Variants in SLC26A6 observed in about 807,000 individuals in gnomAD.
SLC26A6 encodes the protein solute carrier family 26 member 6.
A neutral mutation model predicts 87.1 loss-of-function variants in SLC26A6; 67 were observed. The observed-to-expected ratio is 0.77, with a 90% CI of 0.63 to 0.94. The LOEUF is 0.94. Among genes scored for constraint, SLC26A6 ranks in the 40% least tolerant of loss-of-function variants. SLC26A6 has a pLI of 0.00. For synonymous variants in SLC26A6, 414 were observed against 405.9 expected (o/e 1.02, Z -0.24); for missense variants, 902 against 973.0 (o/e 0.93, Z 0.97).
chr3:48,630,306 C>T, intron 11 of SLC26A6, 132 bp downstream of exon 11: 1 of 1,310,112 alleles, frequency 7.6e-7, no homozygotes, highest in South Asian at 1.4e-5. Context: ...GTCTCCAAAT[C>T]TCACCTTGAA....
In SLC26A6 at chr3:48,632,162, TCAGA is replaced by T; in HGVS notation, c.585+79_585+82del. ...GACGGCAAGAGGAGGACGACGATGG[TCAGA>T]CACTCAGGGGAGTACAGACAGGACA... On this transcript the variant is annotated intron_variant, in intron 5 of 20. Transcript: ENST00000395550. 28 of 1,574,938 alleles carry T rather than the reference TCAGA, an allele frequency of 1.8e-5. No individual in the cohort carries two copies. In the South Asian group the frequency reaches 2.6e-4, roughly 15 times the overall value.
chr3:48,632,074 G>A (rs766085042), intron 5 of SLC26A6, 30 bp from the exon 6 acceptor site: 2 of 1,611,710 alleles, frequency 1.2e-6, no homozygotes, highest in East Asian at 4.5e-5. Flanking sequence ...AGTCAGGAGA[G>A]GCAGGGGTCC....
Position 48,633,360 on chromosome 3 carries a change from C to A in SLC26A6, c.213G>T (p.Leu71=), listed in dbSNP as rs1342123735. The A allele has an allele frequency of 1.9e-6, 3 of 1,613,398 alleles. No homozygotes were observed. The highest frequency in any genetic ancestry group is 2.5e-6 in the Non-Finnish European group (3 of 1,180,010). Residue 71 remains leucine (L), a synonymous_variant, in exon 3 of 21, where the codon CTG becomes CTT. Transcript: ENST00000395550. The stretch of plus-strand genomic sequence containing the variant: ...AGACCAAAACCGGGAGGTGTTGGAG[C>A]AGAAGGGCATAGGCCCGAGCACGGG... ...QCSRARAYAL[L]LQHLPVLVWL...
intron 14 of SLC26A6, 75 bp downstream of exon 14, chr3:48,629,567 T>C (rs1319608441): frequency 4.0e-6 from 6 of 1,483,436 alleles, no homozygotes; most frequent in Non-Finnish European, 4.6e-6. Flanking sequence ...TGGCCAAGTG[T>C]GGAACGAATC....
chr3:48,628,610 A>T lies in SLC26A6; in HGVS notation c.1692+12T>A. The T allele has an allele frequency of 6.2e-7, 1 of 1,613,758 alleles. No individual in the cohort carries two copies. Among genetic ancestry groups the T allele is most frequent in the Admixed American group, 1.7e-5 (1 of 60,002 alleles). ...CTGGGGCCTGACACCCATCCTGGGG[A>T]CTCCGTCTCACCCTCTGCTTCAGCG... On this transcript the variant is annotated intron_variant, in intron 15 of 20. Coordinates refer to ENST00000395550, the MANE Select transcript of SLC26A6 (RefSeq NM_022911.3). This position sits in a 1 kb window ranked among gnomAD's most constrained non-coding sequence, Gnocchi z 4.4.
chr3:48,628,788 T>C lies in SLC26A6; in HGVS notation c.1600-74A>G. 8 of 1,532,560 alleles carry C rather than the reference T, an allele frequency of 5.2e-6. No homozygotes were observed. Among genetic ancestry groups the C allele is most frequent in the Non-Finnish European group, 7.1e-6 (8 of 1,126,076 alleles). 94.9% of individuals were successfully genotyped at this position (1,532,560 alleles called of 1,614,324 possible). On this transcript the variant is annotated intron_variant, in intron 14 of 20. Coordinates refer to ENST00000395550, the MANE Select transcript of SLC26A6 (RefSeq NM_022911.3). The surrounding 1 kb of genome is among the most constrained non-coding windows in gnomAD (Gnocchi z 4.4). Reference sequence around the variant, plus strand: ...TGCATCCTGTTCTCCTGCCTTTCCTTCCCTAGTGTGCCCAGTGCCTGCCAC... The same window carrying C: ...TGCATCCTGTTCTCCTGCCTTTCCTCCCCTAGTGTGCCCAGTGCCTGCCAC...
At chr3:48,635,082 CG>C (rs1458545271) in intron 1 of SLC26A6, among the ~76,000 whole-genome samples, 4 of 152,234 alleles carry the variant, frequency 2.6e-5, no homozygotes, top group Admixed American at 1.3e-4. Context: ...GCACCCCCGC[CG>C]GCACATCTCC....
At position 48,632,193 on chromosome 3, in the gene SLC26A6, T is replaced by C; in HGVS notation, c.585+52A>G. ...ACTCAGGGGAGTACAGACAGGACAG[T>C]GGCGGGAGCAGAAGTGGTGGTGGGG... On this transcript the variant is annotated intron_variant, in intron 5 of 20. Coordinates refer to ENST00000395550, the MANE Select transcript of SLC26A6 (RefSeq NM_022911.3). 4.5e-6 allele frequency: 7 copies of C among 1,569,580 alleles called. No individual in the cohort carries two copies. The South Asian group carries it at 8.4e-5, about 19-fold the overall frequency.
At chr3:48,626,772 G>C in intron 18 of SLC26A6, 87 bp from the exon 19 acceptor site, 1 of 1,608,926 alleles carries the variant, frequency 6.2e-7, no homozygotes, top group Admixed American at 1.7e-5. Context: ...AGTTTAGAAG[G>C]GGAGCTTTGA....
intron 1 of SLC26A6, among the ~76,000 whole-genome samples, 197 bp downstream of exon 1, chr3:48,635,174 G>A (rs1436088351): frequency 6.6e-6 from 1 of 152,240 alleles, no homozygotes; most frequent in East Asian, 1.9e-4. Context: ...TTTCCGCACA[G>A]CCCAAGGGAC....
chr3:48,629,529 G>T (rs2046720282), intron 14 of SLC26A6, 113 bp downstream of exon 14: 1 of 1,213,700 alleles, frequency 8.2e-7, no homozygotes. Context: ...AAAGACCAAA[G>T]CCAAAGTATC....
rs1462364324 is a variant in SLC26A6 at position 48,628,359 on chromosome 3, T to G, written c.1800+75A>C. 4.2e-5 allele frequency: 64 copies of G among 1,531,526 alleles called. No homozygotes were observed. The highest frequency in any genetic ancestry group is 4.9e-5 in the Non-Finnish European group (56 of 1,136,422). The allele number at this position is 1,531,526 out of a possible 1,614,324, so 94.9% of individuals were successfully genotyped here. A position where few individuals can be genotyped will look rare whatever the true frequency, so the allele number is the denominator to read the frequency against. ...ATGAGGAGTGAGGACGAGGGAGGAGTCGGGGGCCAGGAGAAAGGCTGGGGC... is the reference window on the plus strand; with the variant it reads ...ATGAGGAGTGAGGACGAGGGAGGAGGCGGGGGCCAGGAGAAAGGCTGGGGC... On this transcript the variant is annotated intron_variant, in intron 16 of 20. Transcript: ENST00000395550. The surrounding 1 kb of genome is among the most constrained non-coding windows in gnomAD (Gnocchi z 4.4).
At chr3:48,630,030 C>G in intron 12 of SLC26A6, 32 bp downstream of exon 12, 1 of 1,613,836 alleles carries the variant, frequency 6.2e-7, no homozygotes, top group Non-Finnish European at 8.5e-7. Flanking sequence ...TGGGGCTGCC[C>G]AGTCCCTGCC....
chr3:48,628,360 C>A lies in SLC26A6; in HGVS notation c.1800+74G>T, dbSNP rs539095273. ...TGAGGAGTGAGGACGAGGGAGGAGT[C>A]GGGGGCCAGGAGAAAGGCTGGGGCA... On this transcript the variant is annotated intron_variant, in intron 16 of 20. Transcript: ENST00000395550. The surrounding 1 kb of genome is among the most constrained non-coding windows in gnomAD (Gnocchi z 4.4). The A allele has an allele frequency of 1.9e-5, 30 of 1,567,156 alleles. No homozygotes were observed. The highest frequency in any genetic ancestry group is 5.3e-5 in the Admixed American group (3 of 56,476).
chr3:48,628,135 T>G lies in SLC26A6; in HGVS notation c.1801-97A>C, dbSNP rs1575524249. The G allele has an allele frequency of 8.3e-7, 1 of 1,210,180 alleles. No individual in the cohort carries two copies. The highest frequency in any genetic ancestry group is 1.2e-6 in the Non-Finnish European group (1 of 865,342). The allele number at this position is 1,210,180 out of a possible 1,614,324, so 75.0% of individuals were successfully genotyped here. A position where few individuals can be genotyped will look rare whatever the true frequency, so the allele number is the denominator to read the frequency against. ...GTGATGCCCCCTGGTGCTGGGCAGG[T>G]GGGTGGGCCAGGACCAGAAGCTGTG... On this transcript the variant is annotated intron_variant, in intron 16 of 20. Transcript: ENST00000395550. This position sits in a 1 kb window ranked among gnomAD's most constrained non-coding sequence, Gnocchi z 4.4.
intron 9 of SLC26A6, 118 bp from the exon 10 acceptor site, chr3:48,630,838 G>T: frequency 6.7e-7 from 1 of 1,499,096 alleles, no homozygotes; most frequent in Non-Finnish European, 9.2e-7. Context: ...CCCAGAGACT[G>T]GATGCTGTCC....
chr3:48,632,611 C>T lies in SLC26A6; in HGVS notation c.434-215G>A, dbSNP rs1416780178. On this transcript the variant is annotated intron_variant, in intron 4 of 20. Coordinates refer to ENST00000395550, the MANE Select transcript of SLC26A6 (RefSeq NM_022911.3). ...CCTTAAGCATGGCTAGAAATGCTGG[C>T]CCTGTCTCATCTACCCTGTCCCACC... 6 of 728,442 alleles carry T rather than the reference C, an allele frequency of 8.2e-6. No individual in the cohort carries two copies. The South Asian group carries it at 8.9e-5, about 11-fold the overall frequency. The allele number at this position is 728,442 out of a possible 1,614,324, so 45.1% of individuals were successfully genotyped here. A position where few individuals can be genotyped will look rare whatever the true frequency, so the allele number is the denominator to read the frequency against.
chr3:48,629,640 A>G lies in SLC26A6; in HGVS notation c.1599+2T>C, dbSNP rs200620541. ...CCATCTCACTCAGCCCCTGACACTC[A>G]CCTCTGAGTACTCTGCCACATCTCT... On this transcript the variant is annotated splice_donor_variant, in intron 14 of 20. Transcript: ENST00000395550. LOFTEE classifies it high-confidence loss of function. 1.7e-5 allele frequency: 28 copies of G among 1,607,592 alleles called. No individual in the cohort carries two copies. In the African/African-American group the frequency reaches 3.5e-4, roughly 20 times the overall value.
At chr3:48,630,310 C>G (rs2046748409) in intron 11 of SLC26A6, 128 bp downstream of exon 11, 2 of 1,306,410 alleles carry the variant, frequency 1.5e-6, no homozygotes, top group African/African-American at 1.5e-5. Flanking sequence ...CCAAATCTCA[C>G]CTTGAAGATC....
Sources: gnomAD v4.1 joint callset for allele counts (sites outside exome capture counted in the v4.1 genomes callset) on GRCh38, gnomAD v4.1.1 for gene constraint, Gnocchi (gnomAD v3.1) non-coding constraint, MANE v1.5 for transcripts, NCBI Gene and HGNC (gene_info 2026-07-23, HGNC 2026-07-21) for gene names.